UPF1: variants seen among roughly 807,000 people sequenced by gnomAD.
The protein encoded by UPF1 is regulator of nonsense transcripts 1.
UPF1 carries 9 observed loss-of-function variants against 129.2 expected under a neutral mutation model. The observed-to-expected ratio is 0.07, with a 90% CI of 0.04 to 0.12. The LOEUF is 0.12. Among genes scored for constraint, UPF1 ranks in the 10% least tolerant of loss-of-function variants. The pLI, the probability that UPF1 is intolerant of heterozygous loss-of-function variation, is 1.00. For missense variants in UPF1, 788 were observed against 1,525.3 expected (o/e 0.52, Z 8.05); for synonymous variants, 649 against 644.9 (o/e 1.01, Z -0.10).
At position 18,865,268 on chromosome 19, in the gene UPF1, G is replaced by A. The variant is rs763130170; in HGVS notation, c.2858-21G>A. 28 of 1,590,724 alleles carry A rather than the reference G, an allele frequency of 1.8e-5. No homozygotes were observed. The Admixed American group carries it at 1.9e-4, about 11-fold the overall frequency. ...TTGACCGAGGCAGGTGACACCTGCC[G>A]TGTTCCACTGTGATTTGCAGGCCGG... is the stretch of plus-strand genomic sequence containing the variant. On this transcript the variant is annotated intron_variant, in intron 20 of 23. Coordinates refer to ENST00000262803, the MANE Select transcript of UPF1 (RefSeq NM_002911.4). The surrounding 1 kb of genome is among the most constrained non-coding windows in gnomAD (Gnocchi z 6.1).
rs1351615753 is a variant in UPF1 at position 18,832,763 on chromosome 19, C to G, written c.231+323C>G. Among the ~76,000 whole-genome samples, 2 of 152,168 alleles carry G rather than the reference C, an allele frequency of 1.3e-5. No individual in the cohort carries two copies. The highest frequency in any genetic ancestry group is 2.9e-5 in the Non-Finnish European group (2 of 68,016). Reference sequence around the variant, plus strand: ...CGTTCGGGACCGAGCTAACCTGACCCTGTTCCTTTACGCCAGCTGGGTTTG... The same window carrying G: ...CGTTCGGGACCGAGCTAACCTGACCGTGTTCCTTTACGCCAGCTGGGTTTG... On this transcript the variant is annotated intron_variant, in intron 1 of 23. Coordinates refer to ENST00000262803, the MANE Select transcript of UPF1 (RefSeq NM_002911.4). The surrounding 1 kb of genome is among the most constrained non-coding windows in gnomAD (Gnocchi z 5.6).
intron 1 of UPF1, among the ~76,000 whole-genome samples, chr19:18,835,503 C>T (rs755707270): frequency 6.6e-5 from 10 of 152,090 alleles, no homozygotes; most frequent in African/African-American, 1.7e-4. Context: ...CACCATGCCC[C>T]GGCTAATTTT....
chr19:18,840,618 G>C (rs571746797), intron 1 of UPF1, among the ~76,000 whole-genome samples: 1 of 152,192 alleles, frequency 6.6e-6, no homozygotes, highest in Admixed American at 6.5e-5. Flanking sequence ...ATTCAGGGCC[G>C]AGGGGCCTGG....
At position 18,853,716 on chromosome 19, in the gene UPF1, G is replaced by A. The variant is rs1285326239; in HGVS notation, c.1156+366G>A. ...TTACCTGGACGCTGACTCTGCACAC[G>A]GAGGTTCCAGAAGCCAGTGGTCACA... On this transcript the variant is annotated intron_variant, in intron 8 of 23. Coordinates refer to ENST00000262803, the MANE Select transcript of UPF1 (RefSeq NM_002911.4). The surrounding 1 kb of genome is among the most constrained non-coding windows in gnomAD (Gnocchi z 4.4). 1.3e-5 allele frequency among the ~76,000 whole-genome samples: 2 copies of A among 152,228 alleles called. No homozygotes were observed. The highest frequency in any genetic ancestry group is 1.3e-4 in the Admixed American group (2 of 15,286).
In UPF1 at chr19:18,847,754, A is replaced by G; in HGVS notation, c.382A>G (p.Ile128Val). The G allele has an allele frequency of 6.2e-7, 1 of 1,614,188 alleles. No individual in the cohort carries two copies. The highest frequency in any genetic ancestry group is 1.6e-4 in the Middle Eastern group (1 of 6,062). The part of the protein sequence containing the change: ...LPIHACSYCG[I>V]HDPACVVYCN... ...GTTTTGATTTTTTAGTTACTGTGGA[A>G]TACACGATCCTGCCTGCGTGGTTTA... The change falls in exon 3 of 24, where the codon ATA becomes GTA. Residue 128 changes from isoleucine (I) to valine (V), a missense_variant. Coordinates refer to ENST00000262803, the MANE Select transcript of UPF1 (RefSeq NM_002911.4).
intron 5 of UPF1, 52 bp from the exon 6 acceptor site, chr19:18,852,083 T>C: frequency 6.5e-7 from 1 of 1,536,144 alleles, no homozygotes; most frequent in Non-Finnish European, 8.8e-7. Context: ...CCTCGTTCAT[T>C]TGCATGTAGG....
Position 18,865,304 on chromosome 19 carries a change from T to A in UPF1, c.2873T>A (p.Met958Lys). 4.4e-6 allele frequency: 7 copies of A among 1,605,396 alleles called. No homozygotes were observed. Among genetic ancestry groups the A allele is most frequent in the Non-Finnish European group, 6.0e-6 (7 of 1,172,992 alleles). Reference sequence around the variant, plus strand: ...TGATTTGCAGGCCGGCCTTCCAGCATGTACTTCCAGACCCATGACCAGATT... The same window carrying A: ...TGATTTGCAGGCCGGCCTTCCAGCAAGTACTTCCAGACCCATGACCAGATT... ...DRSSQGRPSS[M>K]YFQTHDQIGM... Residue 958 changes from methionine (M) to lysine (K), a missense_variant, in exon 21 of 24, where the codon ATG becomes AAG. Met to Lys is a moderately conservative substitution (Grantham distance 95). Transcript: ENST00000262803. This position sits in a 1 kb window ranked among gnomAD's most constrained non-coding sequence, Gnocchi z 6.1.
Position 18,853,208 on chromosome 19 carries a change from G to C in UPF1, c.1058-44G>C, listed in dbSNP as rs148849114. ...TTGAACTCTCCCTGGTGGAAGCGAC[G>C]GCGTGGGTTAAAATGGCCACCTCTC... On this transcript the variant is annotated intron_variant, in intron 7 of 23. Coordinates refer to ENST00000262803, the MANE Select transcript of UPF1 (RefSeq NM_002911.4). This position sits in a 1 kb window ranked among gnomAD's most constrained non-coding sequence, Gnocchi z 4.4. The C allele has an allele frequency of 2.5e-6, 4 of 1,599,348 alleles. No individual in the cohort carries two copies. The highest frequency in any genetic ancestry group is 2.6e-6 in the Non-Finnish European group (3 of 1,170,456).
At chr19:18,839,043 C>G (rs1427941099) in intron 1 of UPF1, among the ~76,000 whole-genome samples, 1 of 152,120 alleles carries the variant, frequency 6.6e-6, no homozygotes, top group African/African-American at 2.4e-5. Context: ...CATCAGCTAC[C>G]ACCACATTTC....
chr19:18,833,843 T>A (rs1380539514), intron 1 of UPF1, among the ~76,000 whole-genome samples: 1 of 152,110 alleles, frequency 6.6e-6, no homozygotes, highest in African/African-American at 2.4e-5. Context: ...GTCGATTGAG[T>A]CACTCTCGTG....
At position 18,850,784 on chromosome 19, in the gene UPF1, G is replaced by A. The variant is rs1413822318; in HGVS notation, c.726G>A (p.Leu242=). 2.5e-6 allele frequency: 4 copies of A among 1,611,230 alleles called. No homozygotes were observed. The highest frequency in any genetic ancestry group is 2.7e-5 in the African/African-American group (2 of 75,020). The change falls in exon 5 of 24, where the codon CTG becomes CTA. Residue 242 remains leucine, a synonymous_variant. Transcript: ENST00000262803. The surrounding 1 kb of genome is among the most constrained non-coding windows in gnomAD (Gnocchi z 7.1). The part of the protein sequence containing the change: ...LIQDRCFLSW[L]VKIPSEQEQL... ...AGGACCGCTGCTTCCTGTCCTGGCT[G>A]GTCAAGATCCCCTCCGAGCAGGAGC... is the stretch of plus-strand genomic sequence containing the variant.
chr19:18,843,661 C>T (rs1266748318), intron 1 of UPF1, among the ~76,000 whole-genome samples: 2 of 150,912 alleles, frequency 1.3e-5, no homozygotes, highest in Admixed American at 1.3e-4. Flanking sequence ...CATCACCATG[C>T]CCAGCTAATC....
In UPF1 at chr19:18,865,873, C is replaced by A; in HGVS notation, c.3237+95C>A. ...AAGAGCCCCAGAGAGCTGGCCTGGC[C>A]CATGTCCACTGTCTGAATTACCTGT... On this transcript the variant is annotated intron_variant, in intron 22 of 23. Transcript: ENST00000262803. The surrounding 1 kb of genome is among the most constrained non-coding windows in gnomAD (Gnocchi z 6.1). 2 of 1,578,310 alleles carry A rather than the reference C, an allele frequency of 1.3e-6. No individual in the cohort carries two copies. The highest frequency in any genetic ancestry group is 1.8e-4 in the Middle Eastern group (1 of 5,642).
Position 18,855,939 on chromosome 19 carries a change from G to C in UPF1, c.1559G>C (p.Cys520Ser). ...ARQGNGPVLVCAPSNIAVDQL... is the reference protein window; with the variant it reads ...ARQGNGPVLVSAPSNIAVDQL... Reference sequence around the variant, plus strand: ...TGGTGTTGCAGGCCGGTGCTGGTGTGTGCTCCGAGCAACATCGCCGTGGAC... The same window carrying C: ...TGGTGTTGCAGGCCGGTGCTGGTGTCTGCTCCGAGCAACATCGCCGTGGAC... Residue 520 changes from cysteine (C) to serine (S), a missense_variant, in exon 12 of 24, where the codon TGT (cysteine) becomes TCT (serine). By Grantham distance (112) the Cys-to-Ser change is moderately radical. This residue lies in a region of UPF1 where 91 missense variants were observed against 157.2 expected (regional missense o/e 0.58). Coordinates refer to ENST00000262803, the MANE Select transcript of UPF1 (RefSeq NM_002911.4). The C allele has an allele frequency of 6.2e-7, 1 of 1,613,866 alleles. No individual in the cohort carries two copies. The highest frequency in any genetic ancestry group is 8.5e-7 in the Non-Finnish European group (1 of 1,180,024).
chr19:18,832,007 G>GGAGGGGA lies in UPF1; in HGVS notation c.-202_-201insAGGGGAG. ...GGCTGGCGGCTTCGAGGGGAGCTGA[G>GGAGGGGA]GCGCGGAGGGGCTCGGCGGCAGCGG... On this transcript the variant is annotated 5_prime_UTR_variant, in exon 1 of 24. Coordinates refer to ENST00000262803, the MANE Select transcript of UPF1 (RefSeq NM_002911.4). This position sits in a 1 kb window ranked among gnomAD's most constrained non-coding sequence, Gnocchi z 5.6. 1 of 348,634 alleles carries GGAGGGGA rather than the reference G, an allele frequency of 2.9e-6. No homozygotes were observed. The highest frequency in any genetic ancestry group is 5.0e-6 in the Non-Finnish European group (1 of 201,214). 21.6% of individuals were successfully genotyped at this position (348,634 alleles called of 1,614,324 possible).
intron 17 of UPF1, among the ~76,000 whole-genome samples, chr19:18,861,563 T>C (rs542750734): frequency 3.2e-4 from 49 of 152,240 alleles, no homozygotes; most frequent in Non-Finnish European, 5.7e-4. Flanking sequence ...CTAGGTGTCA[T>C]GGCCCACACC....
chr19:18,847,592 C>A, intron 2 of UPF1, 152 bp from the exon 3 acceptor site: 1 of 695,024 alleles, frequency 1.4e-6, no homozygotes, highest in Non-Finnish European at 2.5e-6. Context: ...CCCTGGTTAA[C>A]TGGTTTGATT....
At chr19:18,840,012 C>A (rs980648971) in intron 1 of UPF1, among the ~76,000 whole-genome samples, 7 of 152,044 alleles carry the variant, frequency 4.6e-5, no homozygotes, top group African/African-American at 1.4e-4. Context: ...GCCAGTGGGG[C>A]CAGGGCAGGG....
In UPF1 at chr19:18,853,224, G is replaced by A; in HGVS notation, c.1058-28G>A. The A allele has an allele frequency of 6.2e-7, 1 of 1,603,940 alleles. No individual in the cohort carries two copies. Among genetic ancestry groups the A allele is most frequent in the African/African-American group, 1.3e-5 (1 of 74,658 alleles). ...GGAAGCGACGGCGTGGGTTAAAATG[G>A]CCACCTCTCTCACTTTTTTACCTCA... On this transcript the variant is annotated intron_variant, in intron 7 of 23. Transcript: ENST00000262803. The surrounding 1 kb of genome is among the most constrained non-coding windows in gnomAD (Gnocchi z 4.4).
Sources: gnomAD v4.1 joint callset for allele counts (sites outside exome capture counted in the v4.1 genomes callset) on GRCh38, gnomAD v4.1.1 for gene constraint, gnomAD v4.1.1 regional missense constraint, Gnocchi (gnomAD v3.1) non-coding constraint, MANE v1.5 for transcripts, NCBI Gene and HGNC (gene_info 2026-07-23, HGNC 2026-07-21) for gene names.